The following SATB1 variants were observed in gnomAD, a reference collection of about 807,000 sequenced individuals.
The protein encoded by SATB1 is SATB homeobox 1, also known as DNA-binding protein SATB1.
A neutral mutation model predicts 86.9 loss-of-function variants in SATB1; 11 were observed. That is an observed-to-expected ratio of 0.13 (90% CI 0.08 to 0.21). The LOEUF (loss-of-function observed/expected upper bound fraction) is 0.21, where lower values mean the gene tolerates loss of function less well. SATB1 is among the 10% of genes least tolerant of loss of function. SATB1 has a pLI of 1.00. For synonymous variants in SATB1, 357 were observed against 357.2 expected, an observed-to-expected ratio of 1.00 and a Z score of 0.01; for missense variants, 551 against 937.6, an observed-to-expected ratio of 0.59 and a Z score of 5.39.
At chr3:18,414,968 AGGTCACCAGT>A in intron 5 of SATB1, 133 bp downstream of exon 5, 1 of 807,860 alleles carries the variant, frequency 1.2e-6, no homozygotes. Context: ...ATATTTTAAA[AGGTCACCAGT>A]GGTCAAGTCA....
At chr3:18,366,438 CATCAATCAATCA>C (rs141494702) in intron 9 of SATB1, among the ~76,000 whole-genome samples, 32 of 151,250 alleles carry the variant, frequency 2.1e-4, no homozygotes, top group African/African-American at 5.1e-4. Context: ...AAAAAACTTC[CATCAATCAATCA>C]ATCAATCAAT....
chr3:18,368,422 T>C (rs1257366008), intron 9 of SATB1, among the ~76,000 whole-genome samples: 1 of 152,126 alleles, frequency 6.6e-6, no homozygotes, highest in Non-Finnish European at 1.5e-5. Flanking sequence ...AAATATCAGA[T>C]TTTAAAGCTG....
At position 18,349,378 on chromosome 3, in the gene SATB1, T is replaced by C. The variant is rs778735250; in HGVS notation, c.2084A>G (p.Asn695Ser). ...PKYTIIKFFQ[N>S]QRYYLKHHGK... ...GTGGTGCTTGAGATAGTACCGCTGG[T>C]TCTGAAAGAACTTGATGATGGTGTA... The change falls in exon 11 of 11, where the codon AAC becomes AGC. Residue 695 changes from asparagine (N) to serine (S), a missense_variant. Asn to Ser is a conservative substitution (Grantham distance 46, BLOSUM62 1). Transcript: ENST00000338745. This position sits in a 1 kb window ranked among gnomAD's most constrained non-coding sequence, Gnocchi z 5.5. 14 of 1,614,024 alleles carry C rather than the reference T, an allele frequency of 8.7e-6. No individual in the cohort carries two copies. Among genetic ancestry groups the C allele is most frequent in the Non-Finnish European group, 1.0e-5 (12 of 1,180,028 alleles).
At chr3:18,357,781 AG>A (rs1694721878) in intron 9 of SATB1, among the ~76,000 whole-genome samples, 1 of 151,820 alleles carries the variant, frequency 6.6e-6, no homozygotes, top group Non-Finnish European at 1.5e-5. Flanking sequence ...TAGTTACAGA[AG>A]GGTTCTATTT....
At chr3:18,399,223 A>G (rs985079559) in intron 5 of SATB1, among the ~76,000 whole-genome samples, 3 of 152,198 alleles carry the variant, frequency 2.0e-5, no homozygotes, top group African/African-American at 7.2e-5. Flanking sequence ...GTTTGCCAAC[A>G]GTTCTATATA....
intron 5 of SATB1, among the ~76,000 whole-genome samples, chr3:18,411,757 T>C (rs1297979595): frequency 6.6e-6 from 1 of 151,886 alleles, no homozygotes; most frequent in Non-Finnish European, 1.5e-5. Context: ...TAAGTGTTTC[T>C]TATGTCTTAG....
intron 7 of SATB1, among the ~76,000 whole-genome samples, chr3:18,392,606 C>T (rs977722168): frequency 2.6e-5 from 4 of 151,258 alleles, no homozygotes; most frequent in South Asian, 2.1e-4. Flanking sequence ...CATATATATA[C>T]ATATATATAT....
chr3:18,410,812 TAC>T (rs1491583347), intron 5 of SATB1: 7 of 342,820 alleles, frequency 2.0e-5, no homozygotes, highest in Non-Finnish European at 3.6e-5. Context: ...TGAAATAAAG[TAC>T]AGTTTATTAA....
At position 18,443,833 on chromosome 3, in the gene SATB1, G is replaced by A. The variant is rs993296579; in HGVS notation, c.-25+1685C>T. The stretch of plus-strand genomic sequence containing the variant: ...TGTGATGTCCCGGCCCCTGCTAAGA[G>A]GACGGCCCTTTCTTCTGCCTCTTGC... On this transcript the variant is annotated intron_variant, in intron 1 of 3. Coordinates refer to the SATB1 transcript ENST00000415069. The surrounding 1 kb of genome is among the most constrained non-coding windows in gnomAD (Gnocchi z 4.4). 1.3e-5 allele frequency among the ~76,000 whole-genome samples: 2 copies of A among 152,200 alleles called. No homozygotes were observed. The highest frequency in any genetic ancestry group is 3.9e-4 in the East Asian group (2 of 5,192).
Position 18,374,009 on chromosome 3 carries a change from TA to T in SATB1, c.1575+4160del, listed in dbSNP as rs1371098411. On this transcript the variant is annotated intron_variant, in intron 9 of 10. Transcript: ENST00000338745. ...ATAAATACATTGTTCAATAAAACAC[TA>T]GAGGAAATTATTTTCTAAGCACAAG... is the stretch of plus-strand genomic sequence containing the variant. 3.9e-5 allele frequency among the ~76,000 whole-genome samples: 6 copies of T among 152,268 alleles called. No homozygotes were observed. In the East Asian group the frequency reaches 9.7e-4, roughly 25 times the overall value.
At chr3:18,373,368 T>C (rs1411951283) in intron 9 of SATB1, among the ~76,000 whole-genome samples, 3 of 152,134 alleles carry the variant, frequency 2.0e-5, no homozygotes, top group East Asian at 1.9e-4. Flanking sequence ...TCCAAAAGAA[T>C]GAATCAGCAC....
At chr3:18,351,380 C>A (rs867033548) in intron 10 of SATB1, 1 of 1,554,654 alleles carries the variant, frequency 6.4e-7, no homozygotes, top group South Asian at 1.2e-5. Flanking sequence ...TCTAGACTCT[C>A]CTTTCCCAAG....
At position 18,361,052 on chromosome 3, in the gene SATB1, G is replaced by C. The variant is rs115935134; in HGVS notation, c.1576-8857C>G. ...ACAGAACAAGATGAATTAGCAGGGG[G>C]CTGGGAAAACAGACCAGTTGCTTTT... On this transcript the variant is annotated intron_variant, in intron 9 of 10. Coordinates refer to ENST00000338745, the MANE Select transcript of SATB1 (RefSeq NM_002971.6). 3.1e-3 allele frequency among the ~76,000 whole-genome samples: 468 copies of C among 152,108 alleles called. 1 individual carries two copies. Among genetic ancestry groups the C allele is most frequent in the African/African-American group, 0.011 (457 of 41,474 alleles).
At chr3:18,388,639 A>G (rs1156636823) in intron 7 of SATB1, among the ~76,000 whole-genome samples, 2 of 152,140 alleles carry the variant, frequency 1.3e-5, no homozygotes. Context: ...TAGAAACTTA[A>G]GAACAAGATG....
chr3:18,398,821 G>A (rs1019285452), intron 5 of SATB1, among the ~76,000 whole-genome samples: 4 of 151,948 alleles, frequency 2.6e-5, no homozygotes, highest in Non-Finnish European at 4.4e-5. Context: ...TAATCCAATA[G>A]CTTGCAATTT....
chr3:18,365,916 G>T lies in SATB1; in HGVS notation c.1575+12254C>A, dbSNP rs370954155. ...AAATTAATTGCAAGCCAGGAAGAAA[G>T]AAGGTAATTTAGACAGTAACAGCTT... On this transcript the variant is annotated intron_variant, in intron 9 of 10. Transcript: ENST00000338745. Among the ~76,000 whole-genome samples the T allele has an allele frequency of 7.6e-4, 115 of 152,298 alleles. 4 individuals carry two copies. In the South Asian group the frequency reaches 0.023, roughly 30 times the overall value.
At chr3:18,381,483 C>T (rs1696060604) in intron 8 of SATB1, among the ~76,000 whole-genome samples, 1 of 152,056 alleles carries the variant, frequency 6.6e-6, no homozygotes, top group South Asian at 2.1e-4. Flanking sequence ...TTATGATTGT[C>T]CCATTTTAAA....
Position 18,444,626 on chromosome 3 carries a change from G to T in SATB1, c.-25+892C>A. 1 of 985,504 alleles carries T rather than the reference G, an allele frequency of 1.0e-6. No homozygotes were observed. 61.0% of individuals were successfully genotyped at this position (985,504 alleles called of 1,614,324 possible). ...ACTCACTCAGGCATGGACGTTGGGG[G>T]CGGCGGTGGCTGTCGAGTGCGGGCC... On this transcript the variant is annotated intron_variant, in intron 1 of 3. Transcript: ENST00000415069. The surrounding 1 kb of genome is among the most constrained non-coding windows in gnomAD (Gnocchi z 5.1).
intron 7 of SATB1, among the ~76,000 whole-genome samples, chr3:18,393,544 T>C (rs1696801638): frequency 6.6e-6 from 1 of 152,164 alleles, no homozygotes; most frequent in Non-Finnish European, 1.5e-5. Context: ...CTTAAACATC[T>C]TCCAGGCTGA....
Sources: gnomAD v4.1 joint callset for allele counts (sites outside exome capture counted in the v4.1 genomes callset) on GRCh38, gnomAD v4.1.1 for gene constraint, Gnocchi (gnomAD v3.1) non-coding constraint, MANE v1.5 for transcripts, NCBI Gene and HGNC (gene_info 2026-07-23, HGNC 2026-07-21) for gene names.